Variants in CRTC3 observed in about 807,000 individuals in gnomAD.
CRTC3 encodes CREB regulated transcription coactivator 3.
Under a neutral mutation model 74.5 loss-of-function variants are expected in CRTC3, and 26 were observed. The ratio of observed to expected loss-of-function variants is 0.35; its 90% confidence interval spans 0.26 to 0.48. CRTC3 has a LOEUF of 0.48. Ranked by LOEUF, CRTC3 falls within the 20% of genes least tolerant of loss-of-function variation. The pLI is 0.99. For missense variants in CRTC3, 760 were observed against 787.3 expected, an observed-to-expected ratio of 0.97 and a Z score of 0.41; for synonymous variants, 377 against 325.8, an observed-to-expected ratio of 1.16 and a Z score of -1.69.
chr15:90,560,551 G>A (rs1189980292), intron 2 of CRTC3, among the ~76,000 whole-genome samples: 5 of 152,184 alleles, frequency 3.3e-5, no homozygotes, highest in African/African-American at 4.8e-5. Flanking sequence ...ATCCCCTGTG[G>A]GGTTAACTCC....
At chr15:90,569,036 AG>A (rs1281025953) in intron 2 of CRTC3, among the ~76,000 whole-genome samples, 1 of 150,054 alleles carries the variant, frequency 6.7e-6, no homozygotes, top group Non-Finnish European at 1.5e-5. Flanking sequence ...CCGGTCACCC[AG>A]GCGAGAGTGC....
chr15:90,572,294 C>T (rs1967288646), intron 2 of CRTC3, among the ~76,000 whole-genome samples: 1 of 152,014 alleles, frequency 6.6e-6, no homozygotes, highest in Admixed American at 6.6e-5. Flanking sequence ...TTTATATAAC[C>T]AGTCTCTTAT....
At chr15:90,633,261 T>A (rs1018314296) in intron 11 of CRTC3, among the ~76,000 whole-genome samples, 1 of 152,204 alleles carries the variant, frequency 6.6e-6, no homozygotes, top group African/African-American at 2.4e-5. Context: ...GTATGACTAA[T>A]TCAGTCCCCA....
Position 90,642,444 on chromosome 15 carries a change from T to C in CRTC3, c.*304T>C, listed in dbSNP as rs963946272. On this transcript the variant is annotated 3_prime_UTR_variant, in exon 15 of 15. Transcript: ENST00000268184. ...TTTTACTGGCCATCCAGTCAGCCGA[T>C]GTGTAAGAGTAGGAAATACTGTGTC... 3 of 466,234 alleles carry C rather than the reference T, an allele frequency of 6.4e-6. No individual in the cohort carries two copies. The highest frequency in any genetic ancestry group is 3.9e-5 in the African/African-American group (2 of 51,678). The allele number at this position is 466,234 out of a possible 1,614,324, so 28.9% of individuals were successfully genotyped here.
chr15:90,550,930 A>G (rs180766417), intron 2 of CRTC3, among the ~76,000 whole-genome samples: 2 of 152,176 alleles, frequency 1.3e-5, no homozygotes, highest in East Asian at 3.9e-4. Context: ...GCAGGTGAGA[A>G]GCTTACGGAA....
chr15:90,604,792 A>T (rs974061765), intron 5 of CRTC3, among the ~76,000 whole-genome samples: 4 of 152,232 alleles, frequency 2.6e-5, no homozygotes, highest in African/African-American at 9.6e-5. Context: ...ATATGTGCTG[A>T]ATAAACATCA....
chr15:90,633,638 C>CAAA (rs1355455627), intron 11 of CRTC3, among the ~76,000 whole-genome samples: 3 of 152,178 alleles, frequency 2.0e-5, no homozygotes, highest in African/African-American at 7.2e-5. Flanking sequence ...TCTGGAAACT[C>CAAA]ACAGCCTTCA....
intron 8 of CRTC3, 137 bp downstream of exon 8, chr15:90,618,105 A>G (rs990038066): frequency 9.2e-6 from 5 of 544,446 alleles, no homozygotes; most frequent in Admixed American, 6.1e-5. Context: ...AGATAAGAAT[A>G]TACAAGGGAA....
At chr15:90,604,583 A>C (rs1968168345) in intron 5 of CRTC3, 136 bp downstream of exon 5, 1 of 679,822 alleles carries the variant, frequency 1.5e-6, no homozygotes, top group African/African-American at 1.8e-5. Context: ...AAAACCCACC[A>C]TTTTTTGAGT....
chr15:90,609,493 C>T (rs1968308173), intron 6 of CRTC3, among the ~76,000 whole-genome samples: 1 of 152,158 alleles, frequency 6.6e-6, no homozygotes, highest in African/African-American at 2.4e-5. Flanking sequence ...CAGATTTTTA[C>T]CCTGGAGCTC....
intron 3 of CRTC3, 199 bp downstream of exon 3, chr15:90,593,954 A>C: frequency 4.3e-6 from 2 of 469,902 alleles, no homozygotes; most frequent in Admixed American, 8.1e-5. Flanking sequence ...GTGTTTATGA[A>C]AGCATCAATA....
At chr15:90,535,685 CAT>C (rs1966708087) in intron 1 of CRTC3, among the ~76,000 whole-genome samples, 1 of 151,934 alleles carries the variant, frequency 6.6e-6, no homozygotes, top group Non-Finnish European at 1.5e-5. Flanking sequence ...ATAGATATGT[CAT>C]AGATTAGCGA....
In CRTC3 at chr15:90,530,067, G is replaced by A; in HGVS notation, c.-5G>A. Reference sequence around the variant, plus strand: ...TCCCGCTTCTGCCCGCGCAGAGTCCGCGCCATGGCCGCCTCGCCGGGCTCG... The same window carrying A: ...TCCCGCTTCTGCCCGCGCAGAGTCCACGCCATGGCCGCCTCGCCGGGCTCG... On this transcript the variant is annotated 5_prime_UTR_variant, in exon 1 of 15. Transcript: ENST00000268184. The surrounding 1 kb of genome is among the most constrained non-coding windows in gnomAD (Gnocchi z 6.2). 7.0e-7 allele frequency: 1 copy of A among 1,424,620 alleles called. No individual in the cohort carries two copies. Among genetic ancestry groups the A allele is most frequent in the South Asian group, 1.2e-5 (1 of 80,536 alleles). The allele number at this position is 1,424,620 out of a possible 1,614,324, so 88.2% of individuals were successfully genotyped here.
chr15:90,538,812 G>A (rs1313434058), intron 1 of CRTC3, among the ~76,000 whole-genome samples: 2 of 142,106 alleles, frequency 1.4e-5, no homozygotes, highest in South Asian at 2.2e-4. Context: ...TATGATCATC[G>A]AGGGAAAGAT....
chr15:90,572,239 C>A (rs1967287172), intron 2 of CRTC3, among the ~76,000 whole-genome samples: 1 of 149,786 alleles, frequency 6.7e-6, no homozygotes, highest in South Asian at 2.1e-4. Context: ...GATATATATT[C>A]TTTCTAATGA....
chr15:90,602,929 A>G (rs1463412845), intron 4 of CRTC3, among the ~76,000 whole-genome samples: 2 of 151,770 alleles, frequency 1.3e-5, no homozygotes, highest in Non-Finnish European at 2.9e-5. Flanking sequence ...AGCTGAGATC[A>G]CGCCACAGCA....
intron 2 of CRTC3, among the ~76,000 whole-genome samples, chr15:90,550,350 C>T (rs1008084138): frequency 2.5e-4 from 38 of 150,154 alleles, no homozygotes; most frequent in Non-Finnish European, 3.5e-4. Flanking sequence ...GTGGAAGTTG[C>T]GGTGTGCTGA....
intron 2 of CRTC3, among the ~76,000 whole-genome samples, chr15:90,591,766 C>G (rs1967806897): frequency 6.6e-6 from 1 of 152,228 alleles, no homozygotes; most frequent in South Asian, 2.1e-4. Context: ...CACTGCACTC[C>G]AGCCTGGGCA....
chr15:90,550,561 G>A (rs1398606845), intron 2 of CRTC3, among the ~76,000 whole-genome samples: 1 of 151,370 alleles, frequency 6.6e-6, no homozygotes, highest in Non-Finnish European at 1.5e-5. Context: ...GTTATTTGAA[G>A]TATATTTGCT....
Sources: allele counts gnomAD v4.1 joint callset (sites outside exome capture counted in the v4.1 genomes callset), GRCh38; gene constraint gnomAD v4.1.1; non-coding constraint Gnocchi (gnomAD v3.1); transcripts MANE v1.5; gene names NCBI Gene and HGNC (gene_info 2026-07-23, HGNC 2026-07-21).